SUPT3H: variants seen among roughly 807,000 people sequenced by gnomAD.
SUPT3H encodes transcription initiation protein SPT3 homolog.
Under a neutral mutation model 44.3 loss-of-function variants are expected in SUPT3H, and 44 were observed. That is an observed-to-expected ratio of 0.99 (90% CI 0.78 to 1.28). The LOEUF (loss-of-function observed/expected upper bound fraction) is 1.28, where lower values mean the gene tolerates loss of function less well. Among genes scored for constraint, SUPT3H ranks in the 50% most tolerant of loss-of-function variants. SUPT3H has a pLI of 0.00. For synonymous variants in SUPT3H, 124 were observed against 125.6 expected (o/e 0.99, Z 0.09); for missense variants, 380 against 387.1 (o/e 0.98, Z 0.15).
chr6:45,044,940 C>T (rs1316686862), intron 3 of SUPT3H, among the ~76,000 whole-genome samples: 5 of 152,072 alleles, frequency 3.3e-5, no homozygotes, highest in Admixed American at 2.6e-4. Context: ...TTTCTCAAAG[C>T]TTTAATCATA....
intron 10 of SUPT3H, among the ~76,000 whole-genome samples, chr6:44,856,741 T>C (rs1412002120): frequency 1.3e-5 from 2 of 152,160 alleles, no homozygotes; most frequent in Non-Finnish European, 2.9e-5. Context: ...AAACGCCTTA[T>C]AAATTAAACA....
chr6:45,050,054 G>C (rs577001064), intron 3 of SUPT3H, among the ~76,000 whole-genome samples: 1 of 152,266 alleles, frequency 6.6e-6, no homozygotes, highest in African/African-American at 2.4e-5. Flanking sequence ...AGGTAAAACA[G>C]AGCTCCTTTA....
intron 2 of SUPT3H, among the ~76,000 whole-genome samples, chr6:45,202,300 T>C (rs754243994): frequency 4.6e-5 from 7 of 151,764 alleles, no homozygotes; most frequent in South Asian, 2.1e-4. Context: ...TACAAAATTA[T>C]AAAATTGCAG....
At chr6:45,101,874 AG>A (rs897373730) in intron 3 of SUPT3H, among the ~76,000 whole-genome samples, 14 of 152,140 alleles carry the variant, frequency 9.2e-5, no homozygotes, top group African/African-American at 3.1e-4. Context: ...TTGAACTCAA[AG>A]GGAGTATGAA....
chr6:44,983,867 T>C (rs1011619769), intron 6 of SUPT3H, among the ~76,000 whole-genome samples: 1 of 152,224 alleles, frequency 6.6e-6, no homozygotes, highest in Non-Finnish European at 1.5e-5. Flanking sequence ...TGAGGTTTTC[T>C]ATTTACTTTT....
chr6:44,890,752 G>A (rs1421618492), intron 10 of SUPT3H, among the ~76,000 whole-genome samples: 1 of 134,152 alleles, frequency 7.5e-6, no homozygotes, highest in East Asian at 2.6e-4. Flanking sequence ...AAAACTTAAA[G>A]TATAATAATA....
chr6:44,972,016 T>G (rs1052767577), intron 6 of SUPT3H, among the ~76,000 whole-genome samples: 7 of 151,856 alleles, frequency 4.6e-5, no homozygotes, highest in African/African-American at 1.7e-4. Flanking sequence ...CCTTGTGATC[T>G]GTCCACCTCG....
chr6:45,303,528 A>G (rs1299883110), intron 2 of SUPT3H, among the ~76,000 whole-genome samples: 1 of 152,186 alleles, frequency 6.6e-6, no homozygotes, highest in Non-Finnish European at 1.5e-5. Flanking sequence ...GCTTAACATC[A>G]CTAAGGAAAG....
Position 45,132,100 on chromosome 6 carries a change from A to G in SUPT3H, c.102-26094T>C, listed in dbSNP as rs1803560224. The stretch of plus-strand genomic sequence containing the variant: ...AATTATTTCTGGAATTTTCTATTTA[A>G]TATTTTTGGACCATAGTTGACAGCA... On this transcript the variant is annotated intron_variant, in intron 2 of 10. Transcript: ENST00000371459. Among the ~76,000 whole-genome samples the G allele has an allele frequency of 3.9e-5, 6 of 152,226 alleles. No individual in the cohort carries two copies. In the South Asian group the frequency reaches 1.2e-3, roughly 32 times the overall value.
chr6:45,235,485 C>T lies in SUPT3H; in HGVS notation c.102-129479G>A, dbSNP rs568695378. ...AAAATGTAATATATGTATTTGATAA[C>T]TTTATATTTACAGGATATATACATG... is the stretch of plus-strand genomic sequence containing the variant. On this transcript the variant is annotated intron_variant, in intron 2 of 10. Coordinates refer to ENST00000371459, the MANE Select transcript of SUPT3H (RefSeq NM_003599.4). 2.0e-5 allele frequency among the ~76,000 whole-genome samples: 3 copies of T among 151,918 alleles called. No homozygotes were observed. In the South Asian group the frequency reaches 6.2e-4, roughly 32 times the overall value.
At chr6:45,267,242 C>T (rs966151390) in intron 2 of SUPT3H, among the ~76,000 whole-genome samples, 2 of 152,260 alleles carry the variant, frequency 1.3e-5, no homozygotes, top group Middle Eastern at 3.4e-3. Context: ...ATTTATATAA[C>T]GGATTTAGAG....
chr6:45,014,888 T>G lies in SUPT3H; in HGVS notation c.277A>C (p.Lys93Gln). The G allele has an allele frequency of 6.5e-7, 1 of 1,533,218 alleles. No individual in the cohort carries two copies. Among genetic ancestry groups the G allele is most frequent in the Non-Finnish European group, 8.8e-7 (1 of 1,142,522 alleles). 95.0% of individuals were successfully genotyped at this position (1,533,218 alleles called of 1,614,324 possible). Residue 93 changes from lysine to glutamine, a missense_variant, in exon 5 of 11, where the codon AAA becomes CAA. Physicochemically the swap from Lys to Gln is moderately conservative, Grantham distance 53. Transcript: ENST00000371459. ...ATGTATTTTAGCAGTCTTCTAAGTT[T>G]TTTCTATTAAAAATATAAAATAAGT... ...LLFLMRKDKKKLRRLLKYMFI... is the reference protein window; with the variant it reads ...LLFLMRKDKKQLRRLLKYMFI...
intron 2 of SUPT3H, among the ~76,000 whole-genome samples, chr6:45,184,410 T>C (rs764589393): frequency 3.3e-5 from 5 of 152,146 alleles, no homozygotes; most frequent in Non-Finnish European, 5.9e-5. Flanking sequence ...TCCAAATTGA[T>C]GAAAATCTTC....
intron 5 of SUPT3H, among the ~76,000 whole-genome samples, chr6:45,010,137 G>A (rs1458027772): frequency 6.6e-6 from 1 of 151,970 alleles, no homozygotes; most frequent in African/African-American, 2.4e-5. Flanking sequence ...TTTTTGAGGT[G>A]TGCATAGCTG....
At chr6:45,129,761 T>C (rs1428645577) in intron 2 of SUPT3H, among the ~76,000 whole-genome samples, 5 of 152,132 alleles carry the variant, frequency 3.3e-5, no homozygotes, top group African/African-American at 1.2e-4. Context: ...CTTATGGATT[T>C]TTTTAAAAAA....
chr6:45,183,839 C>T (rs1813702882), intron 2 of SUPT3H, among the ~76,000 whole-genome samples: 1 of 152,160 alleles, frequency 6.6e-6, no homozygotes, highest in South Asian at 2.1e-4. Context: ...AGGATACCTA[C>T]TGTATGATTC....
intron 2 of SUPT3H, among the ~76,000 whole-genome samples, chr6:45,204,055 T>A (rs1015749291): frequency 6.6e-6 from 1 of 152,084 alleles, no homozygotes; most frequent in African/African-American, 2.4e-5. Flanking sequence ...CAAGACCAGC[T>A]GGCCAACATT....
intron 2 of SUPT3H, among the ~76,000 whole-genome samples, chr6:45,177,002 A>T (rs985850467): frequency 8.5e-5 from 13 of 152,196 alleles, no homozygotes; most frequent in Non-Finnish European, 1.5e-4. Flanking sequence ...AACTCTAAAA[A>T]ACAGAGTGCC....
chr6:45,123,441 A>G (rs1292959874), intron 2 of SUPT3H, among the ~76,000 whole-genome samples: 1 of 149,702 alleles, frequency 6.7e-6, no homozygotes, highest in Non-Finnish European at 1.5e-5. Flanking sequence ...TGGTGTGATC[A>G]TGGCTCACTG....
Sources: gnomAD v4.1 joint callset for allele counts (sites outside exome capture counted in the v4.1 genomes callset) on GRCh38, gnomAD v4.1.1 for gene constraint, MANE v1.5 for transcripts, NCBI Gene and HGNC (gene_info 2026-07-23, HGNC 2026-07-21) for gene names.